HTR2C: variants seen among roughly 807,000 people sequenced by gnomAD.
HTR2C encodes 5-hydroxytryptamine receptor 2C, also known as 5-hydroxytryptamine (serotonin) receptor 2C, G protein-coupled.
A neutral mutation model predicts 21.0 loss-of-function variants in HTR2C; 5 were observed. The ratio of observed to expected loss-of-function variants is 0.24; its 90% CI spans 0.12 to 0.50. HTR2C has a LOEUF of 0.50. HTR2C is among the 20% of genes least tolerant of loss of function. The pLI, the probability that HTR2C is intolerant of heterozygous loss-of-function variation, is 0.98. For missense variants in HTR2C, 271 were observed against 371.2 expected, an observed-to-expected ratio of 0.73 and a Z score of 2.22; for synonymous variants, 150 against 145.3, an observed-to-expected ratio of 1.03 and a Z score of -0.23.
intron 3 of HTR2C, among the ~76,000 whole-genome samples, chrX:114,728,485 A>G (rs782291981): frequency 4.5e-5 from 5 of 111,260 alleles, no homozygotes; most frequent in Non-Finnish European, 7.6e-5. Context: ...CTTTAATAAA[A>G]ATCATAAAAT....
chrX:114,722,365 G>A (rs1330285746), intron 2 of HTR2C, among the ~76,000 whole-genome samples: 1 of 111,174 alleles, frequency 9.0e-6, no homozygotes, highest in Non-Finnish European at 1.9e-5. Flanking sequence ...CATTGATTTT[G>A]TATCCTGAGA....
At chrX:114,906,500 C>T in intron 5 of HTR2C, 89 bp from the exon 6 acceptor site, 3 of 657,036 alleles carry the variant, frequency 4.6e-6, no homozygotes, top group Non-Finnish European at 2.3e-6. Context: ...AATTTCCTTC[C>T]GTAAAATGCA....
intron 4 of HTR2C, among the ~76,000 whole-genome samples, chrX:114,797,812 G>GA (rs1556445668): frequency 8.9e-6 from 1 of 111,985 alleles, no homozygotes; most frequent in African/African-American, 3.2e-5. Context: ...CAGTATATAT[G>GA]AAAAAGAATA....
At chrX:114,843,982 A>T (rs1308702806) in intron 4 of HTR2C, among the ~76,000 whole-genome samples, 1 of 111,254 alleles carries the variant, frequency 9.0e-6, no homozygotes, top group African/African-American at 3.3e-5. Context: ...CTAAAAAAAA[A>T]TGCTAAAGGG....
chrX:114,745,971 G>A (rs1275178768), intron 4 of HTR2C, among the ~76,000 whole-genome samples: 2 of 112,046 alleles, frequency 1.8e-5, no homozygotes, highest in African/African-American at 6.5e-5. Flanking sequence ...TAATTGGATT[G>A]TTTGTAAGTC....
chrX:114,711,811 C>A (rs1315678991), intron 2 of HTR2C, among the ~76,000 whole-genome samples: 2 of 111,890 alleles, frequency 1.8e-5, no homozygotes, highest in African/African-American at 6.5e-5. Flanking sequence ...ACTTTTATCA[C>A]TGTGCCTGGA....
At chrX:114,778,215 A>G (rs782275279) in intron 4 of HTR2C, among the ~76,000 whole-genome samples, 9 of 111,446 alleles carry the variant, frequency 8.1e-5, no homozygotes, top group Non-Finnish European at 1.7e-4. Context: ...TTGGTATCAC[A>G]TGAACATAAG....
intron 4 of HTR2C, among the ~76,000 whole-genome samples, chrX:114,742,999 G>A (rs1276045796): frequency 1.2e-4 from 7 of 59,800 alleles, no homozygotes; most frequent in Non-Finnish European, 1.6e-4. Flanking sequence ...TTGTTCTTGC[G>A]ATAGTTTACT....
At chrX:114,747,409 G>T (rs2069716393) in intron 4 of HTR2C, among the ~76,000 whole-genome samples, 1 of 111,989 alleles carries the variant, frequency 8.9e-6, no homozygotes, top group Non-Finnish European at 1.9e-5. Context: ...AAAAATTAAT[G>T]AAATGCACAC....
chrX:114,725,139 A>T (rs782039958), intron 2 of HTR2C, among the ~76,000 whole-genome samples: 1 of 110,928 alleles, frequency 9.0e-6, no homozygotes, highest in South Asian at 3.9e-4. Context: ...TCTCCCTGTC[A>T]CTTTCAGGTA....
At chrX:114,901,081 A>G (rs1174367383) in intron 5 of HTR2C, among the ~76,000 whole-genome samples, 1 of 112,435 alleles carries the variant, frequency 8.9e-6, no homozygotes, top group Non-Finnish European at 1.9e-5. Flanking sequence ...AATGACAACT[A>G]TCTAATGACT....
At chrX:114,850,855 G>C (rs895745608) in intron 5 of HTR2C, among the ~76,000 whole-genome samples, 1 of 110,435 alleles carries the variant, frequency 9.1e-6, no homozygotes, top group African/African-American at 3.3e-5. Context: ...TGTTACAAGA[G>C]GCATATATAA....
intron 5 of HTR2C, among the ~76,000 whole-genome samples, chrX:114,869,303 T>A (rs782535246): frequency 8.9e-6 from 1 of 111,851 alleles, no homozygotes; most frequent in Admixed American, 9.5e-5. Context: ...AATAAACATA[T>A]GTGTGCATGT....
chrX:114,595,080 T>A (rs898212388), intron 1 of HTR2C, among the ~76,000 whole-genome samples: 4 of 111,708 alleles, frequency 3.6e-5, no homozygotes, highest in African/African-American at 1.3e-4. Context: ...AACTTCGACT[T>A]AGTTAGGGCC....
intron 4 of HTR2C, among the ~76,000 whole-genome samples, chrX:114,820,045 G>C (rs1207617488): frequency 1.8e-5 from 2 of 110,169 alleles, no homozygotes; most frequent in African/African-American, 3.3e-5. Flanking sequence ...AAAATGGAGG[G>C]GGTGTAACAA....
intron 4 of HTR2C, among the ~76,000 whole-genome samples, chrX:114,822,047 A>G (rs1556456449): frequency 9.1e-6 from 1 of 110,248 alleles, no homozygotes; most frequent in African/African-American, 3.3e-5. Context: ...GGGTTTCGCC[A>G]TGTTGGCCAG....
intron 4 of HTR2C, among the ~76,000 whole-genome samples, chrX:114,827,089 G>A (rs782250687): frequency 9.1e-6 from 1 of 109,910 alleles, no homozygotes; most frequent in South Asian, 3.8e-4. Context: ...AAATTCTTGG[G>A]ACCACAATGC....
intron 5 of HTR2C, among the ~76,000 whole-genome samples, chrX:114,893,670 C>T (rs1260765034): frequency 9.0e-6 from 1 of 111,137 alleles, no homozygotes; most frequent in Non-Finnish European, 1.9e-5. Flanking sequence ...AAACAAAACA[C>T]ATAAATTAAG....
At chrX:114,586,839 CTA>C (rs1927418939) in intron 1 of HTR2C, among the ~76,000 whole-genome samples, 1 of 110,824 alleles carries the variant, frequency 9.0e-6, no homozygotes, top group Non-Finnish European at 1.9e-5. Flanking sequence ...CATAGCAAGT[CTA>C]TGAATGACGG....
Sources: allele counts gnomAD v4.1 joint callset (sites outside exome capture counted in the v4.1 genomes callset), GRCh38; gene constraint gnomAD v4.1.1; transcripts MANE v1.5; gene names NCBI Gene and HGNC (gene_info 2026-07-23, HGNC 2026-07-21).